The following FLT3 variants were observed in gnomAD, a reference collection of about 807,000 sequenced individuals.
FLT3 encodes receptor-type tyrosine-protein kinase FLT3.
A neutral mutation model predicts 126.6 loss-of-function variants in FLT3; 46 were observed. That is an observed-to-expected ratio of 0.36 (90% CI 0.29 to 0.46). The LOEUF is 0.46. Ranked by LOEUF, FLT3 falls within the 20% of genes least tolerant of loss-of-function variation. The pLI is 1.00. For synonymous variants in FLT3, 404 were observed against 434.4 expected (o/e 0.93, Z 0.87); for missense variants, 1,069 against 1,190.3 (o/e 0.90, Z 1.50).
intron 19 of FLT3, among the ~76,000 whole-genome samples, chr13:28,023,113 A>G (rs1234028470): frequency 6.6e-6 from 1 of 152,182 alleles, no homozygotes; most frequent in Non-Finnish European, 1.5e-5. Flanking sequence ...TGGAAGTTTC[A>G]GGGGACTTTG....
In FLT3 at chr13:28,027,160, C is replaced by T. The variant is rs976218231; in HGVS notation, c.2135G>A (p.Arg712Lys). The change falls in exon 17 of 24, where the codon AGG (arginine) becomes AAG (lysine). Residue 712 changes from arginine (R) to lysine (K), a missense_variant. Coordinates refer to ENST00000241453, the MANE Select transcript of FLT3 (RefSeq NM_004119.3). ...YLRSKREKFHRTWTEIFKEHN... is the reference protein window; with the variant it reads ...YLRSKREKFHKTWTEIFKEHN... The stretch of plus-strand genomic sequence containing the variant: ...TTCCTTGAAAATCTCTGTCCAAGTC[C>T]TGTGAAATTTTTCTCTTTTACTTCT... 6.2e-7 allele frequency: 1 copy of T among 1,613,166 alleles called. No homozygotes were observed. Among genetic ancestry groups the T allele is most frequent in the African/African-American group, 1.3e-5 (1 of 74,882 alleles).
intron 1 of FLT3, among the ~76,000 whole-genome samples, chr13:28,082,670 T>TTTTTGTTTTGTTTTGTTTTGTTTTG (rs140799826): frequency 7.0e-6 from 1 of 143,402 alleles, no homozygotes; most frequent in African/African-American, 2.6e-5. Flanking sequence ...GCCCAGCTAA[T>TTTTTGTTTTGTTTTGTTTTGTTTTG]TTTTGTTTTG....
chr13:28,054,530 T>C (rs1031537171), intron 4 of FLT3, among the ~76,000 whole-genome samples: 3 of 151,876 alleles, frequency 2.0e-5, no homozygotes, highest in African/African-American at 7.3e-5. Context: ...GAGACCAGCC[T>C]AGGTAACATG....
chr13:28,011,557 G>A (rs950348822), intron 23 of FLT3, among the ~76,000 whole-genome samples: 3 of 149,768 alleles, frequency 2.0e-5, no homozygotes, highest in Non-Finnish European at 3.0e-5. Flanking sequence ...TGAGACCCAC[G>A]CCAAGCTCTC....
intron 1 of FLT3, among the ~76,000 whole-genome samples, chr13:28,091,220 T>C (rs1879020562): frequency 9.4e-6 from 1 of 106,540 alleles, no homozygotes; most frequent in South Asian, 3.2e-4. Context: ...TTTTTTTTTT[T>C]TTTTTTTTTT....
chr13:28,065,487 A>T (rs1388786012), intron 2 of FLT3, among the ~76,000 whole-genome samples: 3 of 151,972 alleles, frequency 2.0e-5, no homozygotes, highest in East Asian at 1.9e-4. Flanking sequence ...ACAAAAAATT[A>T]AAAAATTAGC....
chr13:28,024,788 T>TA (rs1872664953), intron 18 of FLT3, 73 bp downstream of exon 18: 1 of 1,083,038 alleles, frequency 9.2e-7, no homozygotes, highest in Admixed American at 2.3e-5. Context: ...TACACACTTT[T>TA]AAAAAATAGC....
intron 4 of FLT3, among the ~76,000 whole-genome samples, chr13:28,053,234 C>A (rs1242953811): frequency 4.0e-5 from 6 of 151,734 alleles, no homozygotes; most frequent in Non-Finnish European, 5.9e-5. Context: ...CATAAACTTT[C>A]TACTTCTACT....
chr13:28,056,555 G>A (rs1267793489), intron 4 of FLT3, among the ~76,000 whole-genome samples: 1 of 152,202 alleles, frequency 6.6e-6, no homozygotes, highest in Non-Finnish European at 1.5e-5. Context: ...GCATAGCACG[G>A]AGTCTGTGCA....
intron 1 of FLT3, among the ~76,000 whole-genome samples, chr13:28,073,005 TA>T (rs368386266): frequency 6.9e-4 from 94 of 136,448 alleles, no homozygotes; most frequent in Middle Eastern, 3.9e-3. Context: ...ACTCCGTCTC[TA>T]AAAAAAAAAA....
At position 28,003,956 on chromosome 13, in the gene FLT3, G is replaced by T. The variant is rs1317336153; in HGVS notation, c.*96C>A. On this transcript the variant is annotated 3_prime_UTR_variant, in exon 24 of 24. Transcript: ENST00000241453. Reference sequence around the variant, plus strand: ...TCTGGTGAAGCAGCAGTTGATAATAGATTTTCTTTTAGTGATGAAATTAAT... The same window carrying T: ...TCTGGTGAAGCAGCAGTTGATAATATATTTTCTTTTAGTGATGAAATTAAT... The T allele has an allele frequency of 8.4e-6, 12 of 1,424,416 alleles. No individual in the cohort carries two copies. The East Asian group carries it at 2.5e-4, about 30-fold the overall frequency. 88.2% of individuals were successfully genotyped at this position (1,424,416 alleles called of 1,614,324 possible).
chr13:28,011,923 G>A (rs376980593), intron 23 of FLT3, among the ~76,000 whole-genome samples: 131 of 151,884 alleles, frequency 8.6e-4, no homozygotes, highest in African/African-American at 3.0e-3. Context: ...TCAGCCTCCC[G>A]AGTAGCTGGG....
intron 2 of FLT3, among the ~76,000 whole-genome samples, chr13:28,063,992 T>G (rs117190100): frequency 2.3e-3 from 354 of 151,822 alleles, no homozygotes; most frequent in Non-Finnish European, 3.6e-3. Context: ...AATAGACAAG[T>G]CAAGCATGGT....
chr13:28,014,109 A>G (rs116409867), intron 23 of FLT3, among the ~76,000 whole-genome samples: 233 of 152,074 alleles, frequency 1.5e-3, no homozygotes, highest in African/African-American at 5.3e-3. Flanking sequence ...CTATTTCTAC[A>G]AAAAATAAAA....
chr13:28,044,433 G>C (rs544574682), intron 9 of FLT3, among the ~76,000 whole-genome samples: 2 of 144,432 alleles, frequency 1.4e-5, no homozygotes, highest in Non-Finnish European at 3.0e-5. Flanking sequence ...CTGGGCGACA[G>C]AGTGAGACTC....
chr13:28,091,856 C>T (rs1372754335), intron 1 of FLT3, among the ~76,000 whole-genome samples: 2 of 151,964 alleles, frequency 1.3e-5, no homozygotes, highest in Admixed American at 6.6e-5. Flanking sequence ...GATCGCTTGA[C>T]GTCAGGAGTT....
chr13:28,074,129 A>G (rs2137797182), intron 1 of FLT3, among the ~76,000 whole-genome samples: 1 of 152,234 alleles, frequency 6.6e-6, no homozygotes, highest in East Asian at 1.9e-4. Flanking sequence ...AATTTTCTAA[A>G]ATTTCATACA....
chr13:28,023,099 G>T (rs1211779152), intron 19 of FLT3, among the ~76,000 whole-genome samples: 1 of 152,178 alleles, frequency 6.6e-6, no homozygotes, highest in African/African-American at 2.4e-5. Context: ...TCGACCTTCA[G>T]CCTTGGAAGT....
intron 1 of FLT3, among the ~76,000 whole-genome samples, chr13:28,096,722 G>A (rs996166451): frequency 3.3e-5 from 5 of 152,014 alleles, no homozygotes; most frequent in East Asian, 1.9e-4. Flanking sequence ...ATGAGCCATC[G>A]CACCCAGCCA....
Sources: allele counts gnomAD v4.1 joint callset (sites outside exome capture counted in the v4.1 genomes callset), GRCh38; gene constraint gnomAD v4.1.1; transcripts MANE v1.5; gene names NCBI Gene and HGNC (gene_info 2026-07-23, HGNC 2026-07-21).